The following DVL1 variants were observed in gnomAD, a reference collection of about 807,000 sequenced individuals.
DVL1 encodes the protein segment polarity protein dishevelled homolog DVL-1.
DVL1 carries 49 observed loss-of-function variants against 65.0 expected under a neutral mutation model. That is an observed-to-expected ratio of 0.75 (90% CI 0.60 to 0.96). The LOEUF (loss-of-function observed/expected upper bound fraction) is 0.96, where lower values mean the gene tolerates loss of function less well. Ranked by LOEUF, DVL1 falls within the 40% of genes least tolerant of loss-of-function variation. DVL1 has a pLI of 0.00. For missense variants in DVL1, 1,197 were observed against 1,045.4 expected, an observed-to-expected ratio of 1.15 and a Z score of -2.00; for synonymous variants, 608 against 433.9, an observed-to-expected ratio of 1.40 and a Z score of -4.99.
In DVL1 at chr1:1,342,203, C is replaced by T. The variant is rs550310095; in HGVS notation, c.363-47G>A. 104 of 1,519,944 alleles carry T rather than the reference C, an allele frequency of 6.8e-5. No individual in the cohort carries two copies. In the South Asian group the frequency reaches 1.1e-3, roughly 17 times the overall value. 94.2% of individuals were successfully genotyped at this position (1,519,944 alleles called of 1,614,324 possible). On this transcript the variant is annotated intron_variant, in intron 3 of 14. Transcript: ENST00000378888. ...GGTGGGGAGGCCGTGGCCCCAGCCCCTCAGATGCCGCCCAGCCCAGCCTCC... is the reference window on the plus strand; with the variant it reads ...GGTGGGGAGGCCGTGGCCCCAGCCCTTCAGATGCCGCCCAGCCCAGCCTCC...
rs531596032 is a variant in DVL1 at position 1,348,722 on chromosome 1, GGC to G, written c.170+172_170+173del. On this transcript the variant is annotated intron_variant, in intron 1 of 14. Coordinates refer to ENST00000378888, the MANE Select transcript of DVL1 (RefSeq NM_001330311.2). ...CATCGCCCCGCTCCACGGACAGGTG[GGC>G]GCGCGCCGCACACGGGCCGAGGCCG... Among the ~76,000 whole-genome samples the G allele has an allele frequency of 7.6e-4, 115 of 152,084 alleles. 1 individual carries two copies. The highest frequency in any genetic ancestry group is 2.6e-3 in the African/African-American group (110 of 41,536).
intron 1 of DVL1, among the ~76,000 whole-genome samples, chr1:1,346,079 G>A (rs1643910718): frequency 6.6e-6 from 1 of 152,160 alleles, no homozygotes; most frequent in Admixed American, 6.5e-5. Flanking sequence ...GGCACTCAGG[G>A]CACAGAGAGG....
chr1:1,341,933 T>C, intron 4 of DVL1, 120 bp downstream of exon 4: 8 of 1,458,282 alleles, frequency 5.5e-6, no homozygotes, highest in Non-Finnish European at 7.4e-6. Flanking sequence ...TCGCTGGGCC[T>C]GTGCCTCCAC....
At position 1,336,166 on chromosome 1, in the gene DVL1, G is replaced by A. The variant is rs770370467; in HGVS notation, c.2064C>T (p.Cys688=). The A allele has an allele frequency of 8.2e-5, 129 of 1,575,346 alleles. No homozygotes were observed. The highest frequency in any genetic ancestry group is 1.0e-4 in the Non-Finnish European group (120 of 1,166,918). The change falls in exon 15 of 15, where the codon TGC becomes TGT. Residue 688 remains cysteine (C), a synonymous_variant. Transcript: ENST00000378888. ...QSFQKAMGNP[C]EFFVDIM is the part of the protein sequence containing the mutation. The stretch of plus-strand genomic sequence containing the variant: ...GTCACATGATGTCCACGAAGAACTC[G>A]CAGGGGTTCCCCATAGCCTTCTGGA...
At position 1,336,066 on chromosome 1, in the gene DVL1, C is replaced by T; in HGVS notation, c.*76G>A. 1 of 1,517,968 alleles carries T rather than the reference C, an allele frequency of 6.6e-7. No homozygotes were observed. The highest frequency in any genetic ancestry group is 8.8e-7 in the Non-Finnish European group (1 of 1,135,596). The allele number at this position is 1,517,968 out of a possible 1,614,324, so 94.0% of individuals were successfully genotyped here. A position where few individuals can be genotyped will look rare whatever the true frequency, so the allele number is the denominator to read the frequency against. Reference sequence around the variant, plus strand: ...CCTCCCGTCCTGGCCCCCACGAAGGCAAGCCCACGCGAGCTCTGCATGCGG... The same window carrying T: ...CCTCCCGTCCTGGCCCCCACGAAGGTAAGCCCACGCGAGCTCTGCATGCGG... On this transcript the variant is annotated 3_prime_UTR_variant, in exon 15 of 15. Transcript: ENST00000378888.
At chr1:1,347,427 G>A (rs1051358130) in intron 1 of DVL1, among the ~76,000 whole-genome samples, 2 of 152,202 alleles carry the variant, frequency 1.3e-5, no homozygotes, top group Admixed American at 1.3e-4. Context: ...CAGTCAGGCT[G>A]TCTCTGCCCT....
Position 1,342,148 on chromosome 1 carries a change from A to G in DVL1, c.371T>C (p.Val124Ala). The G allele has an allele frequency of 6.4e-7, 1 of 1,570,424 alleles. No homozygotes were observed. Among genetic ancestry groups the G allele is most frequent in the Non-Finnish European group, 8.6e-7 (1 of 1,158,422 alleles). Residue 124 changes from valine to alanine, a missense_variant, in exon 4 of 15, where the codon GTG becomes GCG. Physicochemically the swap from Val to Ala is moderately conservative, Grantham distance 64. Transcript: ENST00000378888. ...GTCCATCCCGTCACGGCTGCTGGCC[A>G]CATTTGGGCTGTGCAACAAGAGCAG... ...DSRPPSFHPN[V>A]ASSRDGMDNE...
intron 1 of DVL1, among the ~76,000 whole-genome samples, chr1:1,345,162 C>G (rs1479052865): frequency 2.0e-5 from 3 of 152,130 alleles, no homozygotes; most frequent in African/African-American, 7.2e-5. Context: ...CAGGGCCTCA[C>G]GAAGACCCCA....
intron 5 of DVL1, among the ~76,000 whole-genome samples, chr1:1,341,406 C>T (rs1261743564): frequency 6.6e-6 from 1 of 152,174 alleles, no homozygotes; most frequent in Non-Finnish European, 1.5e-5. Context: ...CACACATGCA[C>T]AAGCAGACAC....
chr1:1,342,416 G>A lies in DVL1; in HGVS notation c.309C>T (p.Pro103=). 6.3e-7 allele frequency: 1 copy of A among 1,594,584 alleles called. No individual in the cohort carries two copies. The highest frequency in any genetic ancestry group is 8.5e-7 in the Non-Finnish European group (1 of 1,170,742). ...SQGTDSHTDL[P]PPLERTGGIG... ...TGCCGCCTGTCCGCTCAAGAGGCGG[G>A]GGCAGGTCTGTGTGGCTGTCCGTGC... The change falls in exon 3 of 15, where the codon CCC becomes CCT. Residue 103 remains proline (P), a synonymous_variant. Transcript: ENST00000378888.
Position 1,339,717 on chromosome 1 carries a change from C to T in DVL1, c.986+19G>A, listed in dbSNP as rs1643719153. 1 of 1,613,054 alleles carries T rather than the reference C, an allele frequency of 6.2e-7. No individual in the cohort carries two copies. The highest frequency in any genetic ancestry group is 8.5e-7 in the Non-Finnish European group (1 of 1,179,874). The stretch of plus-strand genomic sequence containing the variant: ...CCTCCCTGCCTGGCCCCTCCCGCTC[C>T]AGCGCCCCCAGCCCTCACCCCGTCT... On this transcript the variant is annotated intron_variant, in intron 9 of 14. Coordinates refer to ENST00000378888, the MANE Select transcript of DVL1 (RefSeq NM_001330311.2).
intron 1 of DVL1, among the ~76,000 whole-genome samples, chr1:1,346,890 T>C (rs307356): frequency 0.97 from 147,823 of 152,332 alleles, 71,771 homozygotes; most frequent in African/African-American, 0.99. Context: ...GCATCCAGGG[T>C]CAGTGTCTAG....
In DVL1 at chr1:1,340,103, A is replaced by G; in HGVS notation, c.844T>C (p.Ser282Pro). The change falls in exon 8 of 15, where the codon TCC (serine) becomes CCC (proline). Residue 282 changes from serine (S) to proline (P), a missense_variant. By Grantham distance (74) the Ser-to-Pro change is moderately conservative (BLOSUM62 -1). Transcript: ENST00000378888. ...DRGDGGIYIG[S>P]IMKGGAVAAD... ...GCCACAGCCCCGCCCTTCATGATGG[A>G]GCCAATGTAGATGCCGCCGTCTCCA... 3 of 1,613,080 alleles carry G rather than the reference A, an allele frequency of 1.9e-6. No homozygotes were observed. The highest frequency in any genetic ancestry group is 2.5e-6 in the Non-Finnish European group (3 of 1,179,872).
chr1:1,343,008 C>T (rs188936113), intron 1 of DVL1, among the ~76,000 whole-genome samples: 97 of 152,134 alleles, frequency 6.4e-4, no homozygotes, highest in Non-Finnish European at 1.0e-3. Context: ...ACCGTCCTTC[C>T]TCTCCGTCAC....
chr1:1,338,229 T>TGGCCCCCCCCC, intron 13 of DVL1, 40 bp downstream of exon 13: 16 of 1,522,346 alleles, frequency 1.1e-5, no homozygotes, highest in Non-Finnish European at 1.4e-5. Context: ...CCTCCGGCGT[T>TGGCCCCCCCCC]CCCCTCCCCC....
rs182712986 is a variant in DVL1, at chr1:1,341,656, C to G, written c.605+11G>C. 5.0e-6 allele frequency: 8 copies of G among 1,595,904 alleles called. No homozygotes were observed. In the East Asian group the frequency reaches 1.8e-4, roughly 36 times the overall value. Reference sequence around the variant, plus strand: ...ACACAGGCATACACGCCCACAGACACTCCCACACACCTGCTCGTGCTGCCA... The same window carrying G: ...ACACAGGCATACACGCCCACAGACAGTCCCACACACCTGCTCGTGCTGCCA... On this transcript the variant is annotated intron_variant, in intron 5 of 14. Transcript: ENST00000378888.
chr1:1,348,006 C>T (rs1643944626), intron 1 of DVL1, among the ~76,000 whole-genome samples: 1 of 152,198 alleles, frequency 6.6e-6, no homozygotes, highest in East Asian at 1.9e-4. Context: ...TGTCACAATC[C>T]CAAGAAGCGG....
intron 1 of DVL1, among the ~76,000 whole-genome samples, chr1:1,346,287 C>T (rs1457577995): frequency 1.3e-5 from 2 of 152,186 alleles, no homozygotes; most frequent in African/African-American, 2.4e-5. Flanking sequence ...TGCCTCCACC[C>T]ATCCCCCAGT....
In DVL1 at chr1:1,336,250, TC is replaced by T; in HGVS notation, c.1979del (p.Gly660AspfsTer14). ...CGGCAGCCAGCTCCCGGACAGGGGG[TC>T]CCCCGGGTGGCCCCCCCACCACTGT... ...AYTVVGGPPG[G>X]PPVRELAAVP... On this transcript the variant is annotated frameshift_variant, in exon 15 of 15. Transcript: ENST00000378888. LOFTEE classifies it high-confidence loss of function. The T allele has an allele frequency of 1.3e-6, 2 of 1,557,208 alleles. No homozygotes were observed. The highest frequency in any genetic ancestry group is 8.6e-7 in the Non-Finnish European group (1 of 1,157,492).
Sources: allele counts gnomAD v4.1 joint callset (sites outside exome capture counted in the v4.1 genomes callset), GRCh38; gene constraint gnomAD v4.1.1; transcripts MANE v1.5; gene names NCBI Gene and HGNC (gene_info 2026-07-23, HGNC 2026-07-21).